Variants in COL18A1 observed in about 807,000 individuals in gnomAD.
COL18A1 encodes collagen type XVIII alpha 1 chain, also known as collagen alpha-1(XVIII) chain.
COL18A1 carries 133 observed loss-of-function variants against 168.0 expected under a neutral mutation model. That is an observed-to-expected ratio of 0.79 (90% CI 0.69 to 0.91). The LOEUF is 0.91. Among genes scored for constraint, COL18A1 ranks in the 40% least tolerant of loss-of-function variants. The pLI, the probability that COL18A1 is intolerant of heterozygous loss-of-function variation, is 0.00. For missense variants in COL18A1, 2,126 were observed against 1,925.4 expected (o/e 1.10, Z -1.95); for synonymous variants, 949 against 809.0 (o/e 1.17, Z -2.94).
intron 2 of COL18A1, among the ~76,000 whole-genome samples, chr21:45,465,080 C>T (rs1334757906): frequency 1.3e-5 from 2 of 152,238 alleles, no homozygotes; most frequent in Non-Finnish European, 2.9e-5. Context: ...CAGGGAGATG[C>T]TCTGCTCTTC....
rs60331963 is a variant in COL18A1 at position 45,494,347 on chromosome 21, G to A, written c.2353-198G>A. 0.18 allele frequency: 123,051 copies of A among 693,572 alleles called. 11,317 individuals are homozygous for A. The highest frequency in any genetic ancestry group is 0.21 in the Middle Eastern group (542 of 2,564). 43.0% of individuals were successfully genotyped at this position (693,572 alleles called of 1,614,324 possible). ...AAACCCGACCCTCCCCTCACCAGTG[G>A]CTCCTGTCCTCCCCAGGGCTGCCTG... is the stretch of plus-strand genomic sequence containing the variant. On this transcript the variant is annotated intron_variant, in intron 26 of 41. Transcript: ENST00000651438.
chr21:45,426,394 C>T (rs1049338825), intron 2 of COL18A1, among the ~76,000 whole-genome samples: 6 of 152,180 alleles, frequency 3.9e-5, no homozygotes, highest in African/African-American at 1.4e-4. Flanking sequence ...TGTGAGCCAC[C>T]GAGCCTGGCC....
At chr21:45,475,577 G>T in intron 5 of COL18A1, 42 bp downstream of exon 5, 1 of 1,553,576 alleles carries the variant, frequency 6.4e-7, no homozygotes, top group East Asian at 2.3e-5. Context: ...GCAGGGTCCC[G>T]GGAGAGCCCC....
intron 3 of COL18A1, among the ~76,000 whole-genome samples, chr21:45,470,481 GTT>G (rs1260989970): frequency 1.3e-5 from 1 of 77,818 alleles, no homozygotes; most frequent in African/African-American, 7.2e-5. Flanking sequence ...TTTTTTGTGG[GTT>G]TTTTTTTTGT....
chr21:45,478,308 G>C lies in COL18A1; in HGVS notation c.1222-19G>C, dbSNP rs2035756385. The C allele has an allele frequency of 6.2e-7, 1 of 1,613,912 alleles. No individual in the cohort carries two copies. Among genetic ancestry groups the C allele is most frequent in the Non-Finnish European group, 8.5e-7 (1 of 1,180,004 alleles). ...GAGGAGTCATTTCCCATCACTAATG[G>C]CTTCTCTTGCACACCCAGGGCGACC... On this transcript the variant is annotated intron_variant, in intron 8 of 41. Transcript: ENST00000651438.
intron 2 of COL18A1, among the ~76,000 whole-genome samples, chr21:45,452,129 G>C (rs1050539443): frequency 6.6e-6 from 1 of 152,254 alleles, no homozygotes; most frequent in African/African-American, 2.4e-5. Context: ...CACTGCTCAT[G>C]GTGCCATCTG....
intron 2 of COL18A1, among the ~76,000 whole-genome samples, chr21:45,430,436 C>A (rs568566289): frequency 2.0e-5 from 3 of 152,096 alleles, no homozygotes; most frequent in African/African-American, 7.2e-5. Context: ...GCCTGCCACC[C>A]GGGTCCTCTG....
At chr21:45,452,157 A>G (rs1363246307) in intron 2 of COL18A1, among the ~76,000 whole-genome samples, 2 of 152,238 alleles carry the variant, frequency 1.3e-5, no homozygotes, top group Non-Finnish European at 2.9e-5. Flanking sequence ...AGATCCTGGA[A>G]CGAGCCACAG....
In COL18A1 at chr21:45,471,248, G is replaced by T. The variant is rs2035420222; in HGVS notation, c.651+2462G>T. Reference sequence around the variant, plus strand: ...TGATCTCTGTGTCAGGTCCCTGCAGGCCTCAGGTGTCAGGAACTTTCTCTT... The same window carrying T: ...TGATCTCTGTGTCAGGTCCCTGCAGTCCTCAGGTGTCAGGAACTTTCTCTT... On this transcript the variant is annotated intron_variant, in intron 3 of 41. Coordinates refer to ENST00000651438, the MANE Select transcript of COL18A1 (RefSeq NM_001379500.1). The surrounding 1 kb of genome is among the most constrained non-coding windows in gnomAD (Gnocchi z 4.4). Among the ~76,000 whole-genome samples the T allele has an allele frequency of 6.6e-6, 1 of 152,192 alleles. No individual in the cohort carries two copies. Among genetic ancestry groups the T allele is most frequent in the Non-Finnish European group, 1.5e-5 (1 of 68,028 alleles).
intron 31 of COL18A1, 51 bp from the exon 32 acceptor site, chr21:45,497,548 G>A: frequency 6.5e-7 from 1 of 1,549,770 alleles, no homozygotes; most frequent in Non-Finnish European, 8.7e-7. Flanking sequence ...GCACCACCCT[G>A]GAGTCCTCCC....
chr21:45,437,139 CA>C (rs1413475179), intron 2 of COL18A1, among the ~76,000 whole-genome samples: 8 of 38,596 alleles, frequency 2.1e-4, no homozygotes, highest in Non-Finnish European at 3.7e-4. Flanking sequence ...AGGCACTCTC[CA>C]CACACACTCA....
Position 45,405,414 on chromosome 21 carries a change from TG to T in COL18A1, c.49del (p.Asp17ThrfsTer107). 7.4e-7 allele frequency: 1 copy of T among 1,352,840 alleles called. No homozygotes were observed. Among genetic ancestry groups the T allele is most frequent in the South Asian group, 1.7e-5 (1 of 60,552 alleles). 83.8% of individuals were successfully genotyped at this position (1,352,840 alleles called of 1,614,324 possible). On this transcript the variant is annotated frameshift_variant, in exon 2 of 42. Coordinates refer to ENST00000651438, the MANE Select transcript of COL18A1 (RefSeq NM_001379500.1). LOFTEE classifies it high-confidence loss of function. ...PWPWPRRRRL[L>X]DVLAPLVLLL... is the part of the protein sequence containing the mutation. ...CCATGGCCGCGGCGGCGGCGCCTCC[TG>T]GACGTGCTCGCGCCCCTGGTCCTGC... is the stretch of plus-strand genomic sequence containing the variant.
At chr21:45,495,610 A>ATG in intron 29 of COL18A1, 178 bp downstream of exon 29, 1 of 629,648 alleles carries the variant, frequency 1.6e-6, no homozygotes, top group South Asian at 1.7e-5. Context: ...CCACACACGC[A>ATG]CACGTGTGCC....
chr21:45,456,699 G>C (rs2034834665), intron 2 of COL18A1: 1 of 1,532,426 alleles, frequency 6.5e-7, no homozygotes. Flanking sequence ...TGGTTCTTCT[G>C]CCTGCTGCTG....
chr21:45,511,072 CCACACACCACACA>C, intron 40 of COL18A1, 26 bp from the exon 41 acceptor site: 8 of 969,304 alleles, frequency 8.3e-6, no homozygotes, highest in Non-Finnish European at 1.2e-5. Flanking sequence ...ATCCACACCC[CCACACACCACACA>C]CACATACACA....
At chr21:45,482,458 G>T in intron 14 of COL18A1, 3 of 560,548 alleles carry the variant, frequency 5.4e-6, no homozygotes, top group Non-Finnish European at 6.5e-6. Flanking sequence ...GCTTTGGACT[G>T]AGCAGGGGAC....
At chr21:45,422,529 G>A (rs775819121) in intron 2 of COL18A1, 23 of 520,748 alleles carry the variant, frequency 4.4e-5, no homozygotes, top group Non-Finnish European at 7.1e-5. Context: ...CGCACCTCGC[G>A]CCGTGCCAGG....
chr21:45,506,350 C>G (rs2037203957), intron 37 of COL18A1: 1 of 355,488 alleles, frequency 2.8e-6, no homozygotes, highest in African/African-American at 2.1e-5. Flanking sequence ...ACGGCCCCGG[C>G]TGGGGGGCAG....
intron 14 of COL18A1, 76 bp downstream of exon 14, chr21:45,482,101 G>C (rs765649550): frequency 8.4e-7 from 1 of 1,185,004 alleles, no homozygotes; most frequent in Non-Finnish European, 1.2e-6. Context: ...GGTGCCTGGT[G>C]ACGCCCGTGA....
Sources: gnomAD v4.1 joint callset for allele counts (sites outside exome capture counted in the v4.1 genomes callset) on GRCh38, gnomAD v4.1.1 for gene constraint, Gnocchi (gnomAD v3.1) non-coding constraint, MANE v1.5 for transcripts, NCBI Gene and HGNC (gene_info 2026-07-23, HGNC 2026-07-21) for gene names.